Variants in PPP2R2D observed in about 807,000 individuals in gnomAD.
The protein encoded by PPP2R2D is serine/threonine-protein phosphatase 2A 55 kDa regulatory subunit B delta isoform.
In PPP2R2D, 9 loss-of-function variants were observed where a neutral mutation model predicts 31.1. The ratio of observed to expected loss-of-function variants is 0.29; its 90% confidence interval spans 0.17 to 0.51. The LOEUF is 0.51. Ranked by LOEUF, PPP2R2D falls within the 20% of genes least tolerant of loss-of-function variation. The pLI is 0.98. For missense variants in PPP2R2D, 391 were observed against 465.6 expected (o/e 0.84, Z 1.48); for synonymous variants, 179 against 172.6 (o/e 1.04, Z -0.29).
intron 2 of PPP2R2D, among the ~76,000 whole-genome samples, chr10:131,929,463 G>T (rs781941432): frequency 2.0e-5 from 3 of 152,182 alleles, no homozygotes; most frequent in Non-Finnish European, 4.4e-5. Flanking sequence ...GCTGGCCTCA[G>T]GTGTGAAGTG....
intron 2 of PPP2R2D, among the ~76,000 whole-genome samples, chr10:131,922,031 A>G (rs554831683): frequency 6.6e-6 from 1 of 152,320 alleles, no homozygotes; most frequent in Non-Finnish European, 1.5e-5. Flanking sequence ...TTCTCAGTAA[A>G]TCAGATTTTC....
intron 2 of PPP2R2D, among the ~76,000 whole-genome samples, chr10:131,902,819 C>G (rs2035521959): frequency 6.6e-6 from 1 of 152,162 alleles, no homozygotes; most frequent in Non-Finnish European, 1.5e-5. Flanking sequence ...GTGGTGCGAT[C>G]TGGGCTCACT....
downstream of PPP2R2D, among the ~76,000 whole-genome samples, chr10:131,963,642 G>A (rs1187748924): frequency 6.6e-6 from 1 of 152,270 alleles, no homozygotes; most frequent in Admixed American, 6.5e-5. Flanking sequence ...ACGCCACAGG[G>A]CTGTGCGCTG....
the PPP2R2D span, chr10:131,970,527 A>C: frequency 7.1e-7 from 1 of 1,411,252 alleles, no homozygotes; most frequent in Non-Finnish European, 9.5e-7. The surrounding 1 kb of genome is among the most constrained non-coding windows in gnomAD (Gnocchi z 4.1). Context: ...AAAATGCACC[A>C]AGCTGTAACT....
intron 5 of PPP2R2D, 60 bp from the exon 6 acceptor site, chr10:131,943,908 T>C: frequency 5.5e-6 from 4 of 732,094 alleles, no homozygotes; most frequent in Non-Finnish European, 1.0e-5. Context: ...CTACTATAAG[T>C]GTTCTAATTA....
At chr10:131,960,591 C>T (rs2036909446), downstream of PPP2R2D, among the ~76,000 whole-genome samples, 1 of 152,114 alleles carries the variant, frequency 6.6e-6, no homozygotes, top group Admixed American at 6.5e-5. Context: ...CCAGAAGCCT[C>T]CCAAAGCCCA....
rs183379034 is a variant in PPP2R2D, at chr10:131,947,819, G to T, written c.1082+28G>T. The stretch of plus-strand genomic sequence containing the variant: ...AAGGCCTGCGTGGAGATGAGCTGTC[G>T]CCCCAAGCTTGCTGGTTTCCGAGAG... On this transcript the variant is annotated intron_variant, in intron 8 of 8. Transcript: ENST00000455566. This position sits in a 1 kb window ranked among gnomAD's most constrained non-coding sequence, Gnocchi z 4.3. 212 of 1,602,000 alleles carry T rather than the reference G, an allele frequency of 1.3e-4. 3 individuals are homozygous for T. In the East Asian group the frequency reaches 3.1e-3, roughly 23 times the overall value.
At chr10:131,905,485 G>C (rs956293098) in intron 2 of PPP2R2D, among the ~76,000 whole-genome samples, 1 of 152,178 alleles carries the variant, frequency 6.6e-6, no homozygotes, top group Non-Finnish European at 1.5e-5. Flanking sequence ...CTCTCTGGTA[G>C]ACTGAGCTCC....
At chr10:131,933,620 G>A (rs2036282202) in intron 2 of PPP2R2D, among the ~76,000 whole-genome samples, 1 of 152,184 alleles carries the variant, frequency 6.6e-6, no homozygotes, top group Non-Finnish European at 1.5e-5. Flanking sequence ...GCACTGCGGA[G>A]AAGCCAGCCT....
intron 2 of PPP2R2D, among the ~76,000 whole-genome samples, chr10:131,925,090 C>T (rs980356783): frequency 5.9e-5 from 9 of 152,148 alleles, no homozygotes; most frequent in Non-Finnish European, 1.2e-4. Flanking sequence ...CAATATAATG[C>T]CATCTGTGAA....
chr10:131,961,679 C>T (rs763719472), downstream of PPP2R2D, among the ~76,000 whole-genome samples: 104 of 152,230 alleles, frequency 6.8e-4, no homozygotes, highest in African/African-American at 9.4e-4. Flanking sequence ...GGTGCAGAGG[C>T]GCTGCCGTCC....
At chr10:131,937,912 G>A (rs1302540842) in intron 3 of PPP2R2D, among the ~76,000 whole-genome samples, 1 of 152,156 alleles carries the variant, frequency 6.6e-6, no homozygotes, top group Admixed American at 6.5e-5. Flanking sequence ...GCACACGCGG[G>A]GCAGTCAGCA....
intron 2 of PPP2R2D, among the ~76,000 whole-genome samples, chr10:131,913,166 T>C (rs2035711808): frequency 6.6e-6 from 1 of 150,910 alleles, no homozygotes; most frequent in African/African-American, 2.4e-5. Flanking sequence ...ATTACAGGGA[T>C]GCCACCATGC....
chr10:131,944,506 G>A (rs1554897666), intron 6 of PPP2R2D, among the ~76,000 whole-genome samples: 1 of 151,918 alleles, frequency 6.6e-6, no homozygotes, highest in African/African-American at 2.4e-5. Context: ...TTAGAGCAGT[G>A]TTTAATCACC....
At chr10:131,950,142 G>A (rs1196132693) in intron 8 of PPP2R2D, among the ~76,000 whole-genome samples, 1 of 152,206 alleles carries the variant, frequency 6.6e-6, no homozygotes, top group Non-Finnish European at 1.5e-5. Flanking sequence ...TCTTGTATTA[G>A]TGGATGGAAA....
chr10:131,945,743 AC>A lies in PPP2R2D; in HGVS notation c.820+286del, dbSNP rs1383211098. 5.7e-6 allele frequency: 2 copies of A among 350,020 alleles called. No individual in the cohort carries two copies. The highest frequency in any genetic ancestry group is 8.8e-5 in the Admixed American group (2 of 22,826). The allele number at this position is 350,020 out of a possible 1,614,324, so 21.7% of individuals were successfully genotyped here. A position where few individuals can be genotyped will look rare whatever the true frequency, so the allele number is the denominator to read the frequency against. On this transcript the variant is annotated intron_variant, in intron 7 of 8. Coordinates refer to ENST00000455566, the MANE Select transcript of PPP2R2D (RefSeq NM_018461.5). The surrounding 1 kb of genome is among the most constrained non-coding windows in gnomAD (Gnocchi z 4.8). ...TGGGATTACAGGTGTGAGTCACCGCACCTGGTCACGCCTGGCGTCTTTTAAA... is the reference window on the plus strand; with the variant it reads ...TGGGATTACAGGTGTGAGTCACCGCACTGGTCACGCCTGGCGTCTTTTAAA...
At position 131,940,525 on chromosome 10, in the gene PPP2R2D, T is replaced by C. The variant is rs546697983; in HGVS notation, c.365-57T>C. 4.2e-6 allele frequency: 3 copies of C among 706,534 alleles called. No individual in the cohort carries two copies. In the South Asian group the frequency reaches 4.6e-5, roughly 11 times the overall value. The allele number at this position is 706,534 out of a possible 1,614,324, so 43.8% of individuals were successfully genotyped here. A position where few individuals can be genotyped will look rare whatever the true frequency, so the allele number is the denominator to read the frequency against. Reference sequence around the variant, plus strand: ...CTTTCTAATACCAGTACTCAAACAGTAGTGATGCATGTTATAGTTTTTCTT... The same window carrying C: ...CTTTCTAATACCAGTACTCAAACAGCAGTGATGCATGTTATAGTTTTTCTT... On this transcript the variant is annotated intron_variant, in intron 4 of 8. Transcript: ENST00000455566.
rs1264172322 is a variant in PPP2R2D at position 131,956,314 on chromosome 10, C to T, written c.*351C>T. 1.0e-6 allele frequency: 1 copy of T among 1,003,040 alleles called. No individual in the cohort carries two copies. Among genetic ancestry groups the T allele is most frequent in the African/African-American group, 1.7e-5 (1 of 57,968 alleles). The allele number at this position is 1,003,040 out of a possible 1,614,324, so 62.1% of individuals were successfully genotyped here. On this transcript the variant is annotated 3_prime_UTR_variant, in exon 9 of 9. Coordinates refer to ENST00000455566, the MANE Select transcript of PPP2R2D (RefSeq NM_018461.5). ...AGAGAAAAGTTATTGTCAGATACCG[C>T]TCTTTCTCCAACTTTCCCTCTTTCT...
Position 131,957,767 on chromosome 10 carries a change from C to T in PPP2R2D, c.*1804C>T, listed in dbSNP as rs72636963. The stretch of plus-strand genomic sequence containing the variant: ...GATGAAGGGGTGTGCCAATCCCCCG[C>T]GCCCCTGTGGAGATGGAGGCGTGTG... On this transcript the variant is annotated 3_prime_UTR_variant, in exon 9 of 9. Transcript: ENST00000455566. 35,592 of 117,958 alleles carry T rather than the reference C, an allele frequency of 0.3. 5,084 individuals carry two copies. Among genetic ancestry groups the T allele is most frequent in the East Asian group, 0.49 (1,711 of 3,500 alleles). The allele number at this position is 117,958 out of a possible 1,614,324, so 7.3% of individuals were successfully genotyped here.
Sources: allele counts gnomAD v4.1 joint callset (sites outside exome capture counted in the v4.1 genomes callset), GRCh38; gene constraint gnomAD v4.1.1; non-coding constraint Gnocchi (gnomAD v3.1); transcripts MANE v1.5; gene names NCBI Gene and HGNC (gene_info 2026-07-23, HGNC 2026-07-21).